Variants in KIF5C observed in about 807,000 individuals in gnomAD.
KIF5C encodes the protein kinesin heavy chain isoform 5C.
A neutral mutation model predicts 125.2 loss-of-function variants in KIF5C; 18 were observed. The ratio of observed to expected loss-of-function variants is 0.14; its 90% CI spans 0.10 to 0.21. The LOEUF is 0.21. Ranked by LOEUF, KIF5C falls within the 10% of genes least tolerant of loss-of-function variation. The probability of loss-of-function intolerance (pLI) is 1.00; values close to 1 mark genes in which losing one functional copy is unlikely to be tolerated. For synonymous variants in KIF5C, 405 were observed against 434.0 expected, an observed-to-expected ratio of 0.93 and a Z score of 0.83; for missense variants, 780 against 1,183.8, an observed-to-expected ratio of 0.66 and a Z score of 5.01.
At chr2:148,939,327 C>T (rs1682359213) in intron 4 of KIF5C, among the ~76,000 whole-genome samples, 1 of 152,184 alleles carries the variant, frequency 6.6e-6, no homozygotes, top group Non-Finnish European at 1.5e-5. Flanking sequence ...CCTTAGGATT[C>T]CTTTTGTTGG....
chr2:148,985,461 G>A (rs1403115978), intron 15 of KIF5C, among the ~76,000 whole-genome samples: 1 of 152,116 alleles, frequency 6.6e-6, no homozygotes, highest in Non-Finnish European at 1.5e-5. Context: ...GCAGTTTCTG[G>A]TCTCTCTATT....
intron 15 of KIF5C, among the ~76,000 whole-genome samples, chr2:148,986,793 G>C (rs1361016395): frequency 6.6e-6 from 1 of 152,100 alleles, no homozygotes; most frequent in East Asian, 1.9e-4. Flanking sequence ...GCTCTGAAAA[G>C]CCAGAAAACA....
intron 1 of KIF5C, among the ~76,000 whole-genome samples, chr2:148,912,910 G>A (rs895105318): frequency 1.3e-5 from 2 of 152,206 alleles, no homozygotes; most frequent in African/African-American, 4.8e-5. Context: ...CCATCTAGAT[G>A]TAGTTGACTA....
chr2:148,984,356 T>C (rs1681319522), intron 15 of KIF5C, among the ~76,000 whole-genome samples: 1 of 152,232 alleles, frequency 6.6e-6, no homozygotes, highest in Non-Finnish European at 1.5e-5. Context: ...AACAAGATTC[T>C]CCAGGTGATT....
At position 148,924,702 on chromosome 2, in the gene KIF5C, T is replaced by C. The variant is rs1681923526; in HGVS notation, c.217+2475T>C. Among the ~76,000 whole-genome samples, 1 of 152,212 alleles carries C rather than the reference T, an allele frequency of 6.6e-6. No homozygotes were observed. Among genetic ancestry groups the C allele is most frequent in the Non-Finnish European group, 1.5e-5 (1 of 68,040 alleles). On this transcript the variant is annotated intron_variant, in intron 2 of 25. Coordinates refer to ENST00000435030, the MANE Select transcript of KIF5C (RefSeq NM_004522.3). This position sits in a 1 kb window ranked among gnomAD's most constrained non-coding sequence, Gnocchi z 4.0. ...GGAATTAAACACCATGGTAACTGGA[T>C]GCTATTATTGAAGTACTGTAACTAT...
chr2:148,950,816 A>G (rs1682640755), intron 10 of KIF5C, among the ~76,000 whole-genome samples: 1 of 152,168 alleles, frequency 6.6e-6, no homozygotes, highest in Admixed American at 6.5e-5. Context: ...CAAAAAAAAA[A>G]AAAAAGAATA....
Position 148,875,321 on chromosome 2 carries a change from G to A in KIF5C, c.-297G>A. 3.3e-6 allele frequency: 1 copy of A among 300,370 alleles called. No individual in the cohort carries two copies. The highest frequency in any genetic ancestry group is 6.1e-6 in the Non-Finnish European group (1 of 163,950). The allele number at this position is 300,370 out of a possible 1,614,324, so 18.6% of individuals were successfully genotyped here. On this transcript the variant is annotated 5_prime_UTR_variant, in exon 1 of 26. Transcript: ENST00000435030. Reference sequence around the variant, plus strand: ...TCGCTCCCTGCGCATCGCCTCCTCCGCCCGCCGCGTGGTCGCGGGCAGGTG... The same window carrying A: ...TCGCTCCCTGCGCATCGCCTCCTCCACCCGCCGCGTGGTCGCGGGCAGGTG...
rs564575043 is a variant in KIF5C at position 148,982,521 on chromosome 2, A to G, written c.1569+960A>G. Among the ~76,000 whole-genome samples the G allele has an allele frequency of 2.6e-5, 4 of 152,360 alleles. 1 individual carries two copies. The highest frequency in any genetic ancestry group is 9.6e-5 in the African/African-American group (4 of 41,586). On this transcript the variant is annotated intron_variant, in intron 14 of 25. Transcript: ENST00000435030. ...CTGGTCTGCTGACTGTGAGGCTGAC[A>G]GGAAATGCTCCTCGCGGCATACATT...
chr2:148,930,347 A>G (rs1218034698), intron 3 of KIF5C, among the ~76,000 whole-genome samples: 1 of 151,284 alleles, frequency 6.6e-6, no homozygotes, highest in Non-Finnish European at 1.5e-5. Flanking sequence ...TTTTCTTTAA[A>G]TCACCAAATC....
At chr2:148,985,110 C>T (rs1681343155) in intron 15 of KIF5C, among the ~76,000 whole-genome samples, 1 of 152,012 alleles carries the variant, frequency 6.6e-6, no homozygotes. Flanking sequence ...GCCATTGGTG[C>T]TGTTGACAGC....
In KIF5C at chr2:148,875,576, C is replaced by T. The variant is rs1232588876; in HGVS notation, c.-42C>T. On this transcript the variant is annotated 5_prime_UTR_variant, in exon 1 of 26. Coordinates refer to ENST00000435030, the MANE Select transcript of KIF5C (RefSeq NM_004522.3). ...CCTCCCTCGTCGTTCCCGGCCCCGG[C>T]CCCCCACCCATCCCCGTGCCCCCTC... 3 of 549,556 alleles carry T rather than the reference C, an allele frequency of 5.5e-6. No individual in the cohort carries two copies. Among genetic ancestry groups the T allele is most frequent in the Admixed American group, 2.4e-5 (1 of 40,904 alleles). The allele number at this position is 549,556 out of a possible 1,614,324, so 34.0% of individuals were successfully genotyped here.
At chr2:148,908,398 C>T (rs1185918276) in intron 1 of KIF5C, among the ~76,000 whole-genome samples, 1 of 152,192 alleles carries the variant, frequency 6.6e-6, no homozygotes, top group African/African-American at 2.4e-5. Flanking sequence ...TTTAATTAAT[C>T]ACTCTCAAAG....
rs1441642850 is a variant in KIF5C at position 149,010,210 on chromosome 2, G to A, written c.2626G>A (p.Val876Ile). 7.0e-6 allele frequency: 11 copies of A among 1,562,104 alleles called. No homozygotes were observed. Among genetic ancestry groups the A allele is most frequent in the East Asian group, 2.4e-5 (1 of 41,368 alleles). The change falls in exon 24 of 26, where the codon GTC becomes ATC. Residue 876 changes from valine (V) to isoleucine (I), a missense_variant. Around this residue, in one of 2 missense-constraint regions of KIF5C, gnomAD observed 573 missense variants for 742.6 expected, o/e 0.77. Coordinates refer to ENST00000435030, the MANE Select transcript of KIF5C (RefSeq NM_004522.3). The stretch of plus-strand genomic sequence containing the variant: ...GCGGCTGCGTGCCACGGCGGAGCGC[G>A]TCAAGGCTCTGGAGAGCGCGCTGAA... Reference protein sequence around the residue: ...EKRLRATAERVKALESALKEA... With the variant: ...EKRLRATAERIKALESALKEA...
chr2:148,900,678 C>A (rs142266053), intron 1 of KIF5C, among the ~76,000 whole-genome samples: 81 of 152,334 alleles, frequency 5.3e-4, no homozygotes, highest in African/African-American at 1.9e-3. Flanking sequence ...TAATTACAAA[C>A]TGCCTTTGGG....
intron 2 of KIF5C, among the ~76,000 whole-genome samples, chr2:148,928,025 G>A (rs1225449521): frequency 6.6e-6 from 1 of 151,572 alleles, no homozygotes; most frequent in Non-Finnish European, 1.5e-5. Flanking sequence ...ATAACATATT[G>A]CTTTTTTGTT....
intron 1 of KIF5C, among the ~76,000 whole-genome samples, chr2:148,895,299 G>A (rs761847165): frequency 7.9e-5 from 12 of 151,904 alleles, no homozygotes; most frequent in Non-Finnish European, 1.5e-4. Context: ...CACCACGCCC[G>A]GCTAATTTTT....
intron 11 of KIF5C, among the ~76,000 whole-genome samples, chr2:148,970,032 T>A (rs1009985912): frequency 1.3e-5 from 2 of 152,190 alleles, no homozygotes; most frequent in South Asian, 2.1e-4. Context: ...TAAAAAATAA[T>A]CCTTACTGCC....
chr2:148,921,073 G>A (rs1011074885), intron 1 of KIF5C, among the ~76,000 whole-genome samples: 2 of 152,190 alleles, frequency 1.3e-5, no homozygotes, highest in African/African-American at 4.8e-5. Context: ...CCTAGGGAAG[G>A]GGCTGTGTCT....
chr2:148,950,337 C>A lies in KIF5C; in HGVS notation c.843C>A (p.Asp281Glu). ...EGTKTHVPYR[D>E]SKMTRILQDS... ...AGAAAACACATGTGCCATACCGGGA[C>A]AGCAAGATGACTCGGATTCTTCAGG... is the stretch of plus-strand genomic sequence containing the variant. The change falls in exon 10 of 26, where the codon GAC (aspartate) becomes GAA (glutamate). Residue 281 changes from aspartate (D) to glutamate (E), a missense_variant. Asp to Glu is a conservative substitution (Grantham distance 45). Coordinates refer to ENST00000435030, the MANE Select transcript of KIF5C (RefSeq NM_004522.3). 1 of 1,613,964 alleles carries A rather than the reference C, an allele frequency of 6.2e-7. No homozygotes were observed. The highest frequency in any genetic ancestry group is 8.5e-7 in the Non-Finnish European group (1 of 1,179,878).
Sources: gnomAD v4.1 joint callset for allele counts (sites outside exome capture counted in the v4.1 genomes callset) on GRCh38, gnomAD v4.1.1 for gene constraint, gnomAD v4.1.1 regional missense constraint, Gnocchi (gnomAD v3.1) non-coding constraint, MANE v1.5 for transcripts, NCBI Gene and HGNC (gene_info 2026-07-23, HGNC 2026-07-21) for gene names.